Variants in STT3B observed in about 807,000 individuals in gnomAD.
The protein encoded by STT3B is dolichyl-diphosphooligosaccharide--protein glycosyltransferase subunit STT3B.
A neutral mutation model predicts 96.8 loss-of-function variants in STT3B; 29 were observed. That is an observed-to-expected ratio of 0.30 (90% CI 0.22 to 0.41). The LOEUF (loss-of-function observed/expected upper bound fraction) is 0.41. STT3B is among the 10% of genes least tolerant of loss of function. STT3B has a pLI of 1.00. For synonymous variants in STT3B, 367 were observed against 360.0 expected (o/e 1.02, Z -0.22); for missense variants, 640 against 1,022.3 (o/e 0.63, Z 5.10).
intron 1 of STT3B, among the ~76,000 whole-genome samples, chr3:31,558,210 G>A (rs1305807655): frequency 2.0e-5 from 3 of 152,166 alleles, no homozygotes; most frequent in Admixed American, 2.0e-4. Context: ...AGGATATCCA[G>A]TAGTATGTTG....
At chr3:31,581,421 A>T (rs962654779) in intron 3 of STT3B, among the ~76,000 whole-genome samples, 3 of 152,230 alleles carry the variant, frequency 2.0e-5, no homozygotes, top group African/African-American at 7.2e-5. Context: ...TAATAAATTT[A>T]AAAAATAAAA....
rs752886119 is a variant in STT3B at position 31,622,225 on chromosome 3, G to A, written c.1456G>A (p.Asp486Asn). ...AAATGTTTTTGAGCACTATTTGGGGGATGACATGAAAAGGGAAAATCCACC... is the reference window on the plus strand; with the variant it reads ...AAATGTTTTTGAGCACTATTTGGGGAATGACATGAAAAGGGAAAATCCACC... ...FSNVFEHYLG[D>N]DMKRENPPVE... is the part of the protein sequence containing the mutation. Residue 486 changes from aspartate (D) to asparagine (N), a missense_variant, in exon 10 of 16, where the codon GAT becomes AAT. Physicochemically the swap from Asp to Asn is conservative, Grantham distance 23. Coordinates refer to ENST00000295770, the MANE Select transcript of STT3B (RefSeq NM_178862.3). 1 of 1,614,134 alleles carries A rather than the reference G, an allele frequency of 6.2e-7. No individual in the cohort carries two copies. The highest frequency in any genetic ancestry group is 8.5e-7 in the Non-Finnish European group (1 of 1,179,980).
At chr3:31,546,769 C>G (rs1415947903) in intron 1 of STT3B, among the ~76,000 whole-genome samples, 1 of 152,146 alleles carries the variant, frequency 6.6e-6, no homozygotes, top group African/African-American at 2.4e-5. Flanking sequence ...TATTTTGCAT[C>G]CTAAGTCTGG....
intron 1 of STT3B, among the ~76,000 whole-genome samples, chr3:31,553,393 A>G (rs1448302272): frequency 6.6e-6 from 1 of 152,200 alleles, no homozygotes; most frequent in Non-Finnish European, 1.5e-5. Context: ...TCAGAAGGGG[A>G]ATGGATTGTA....
rs12632093 is a variant in STT3B at position 31,567,725 on chromosome 3, A to G, written c.315-8671A>G. ...TTTAATTTTTTATAATTATGGGTAC[A>G]TAATAGATTTATCTATTTATGGGTT... On this transcript the variant is annotated intron_variant, in intron 1 of 15. Coordinates refer to ENST00000295770, the MANE Select transcript of STT3B (RefSeq NM_178862.3). Among the ~76,000 whole-genome samples, 2,516 of 152,292 alleles carry G rather than the reference A, an allele frequency of 0.017. 289 individuals carry two copies. The East Asian group carries it at 0.32, about 19-fold the overall frequency.
chr3:31,535,927 A>G (rs1311461379), intron 1 of STT3B, among the ~76,000 whole-genome samples: 5 of 152,200 alleles, frequency 3.3e-5, no homozygotes, highest in African/African-American at 1.2e-4. Flanking sequence ...AATCTTGCTT[A>G]GTAGTAAGGA....
chr3:31,533,389 C>T, intron 1 of STT3B, 77 bp downstream of exon 1: 3 of 1,366,888 alleles, frequency 2.2e-6, no homozygotes, highest in South Asian at 1.6e-5. Context: ...CCGCAGCTCT[C>T]CTCGACTTGG....
At chr3:31,551,592 A>G (rs937268603) in intron 1 of STT3B, among the ~76,000 whole-genome samples, 3 of 152,086 alleles carry the variant, frequency 2.0e-5, no homozygotes, top group Non-Finnish European at 4.4e-5. Flanking sequence ...TCGCTTTCTC[A>G]TTTACCGTTC....
At chr3:31,549,456 C>A (rs1697497901) in intron 1 of STT3B, among the ~76,000 whole-genome samples, 1 of 151,954 alleles carries the variant, frequency 6.6e-6, no homozygotes, top group Non-Finnish European at 1.5e-5. Context: ...TCCACCGAGA[C>A]TGTCCTCAGA....
At chr3:31,558,055 C>G (rs1478210970) in intron 1 of STT3B, among the ~76,000 whole-genome samples, 1 of 152,134 alleles carries the variant, frequency 6.6e-6, no homozygotes, top group East Asian at 1.9e-4. Flanking sequence ...ACTGAATTTG[C>G]TTATTAGCTC....
intron 3 of STT3B, among the ~76,000 whole-genome samples, chr3:31,582,862 C>G (rs1394808978): frequency 6.6e-6 from 1 of 152,100 alleles, no homozygotes; most frequent in Non-Finnish European, 1.5e-5. Context: ...TTATTGATTT[C>G]TGACTTCATC....
At chr3:31,547,633 G>A (rs376733731) in intron 1 of STT3B, among the ~76,000 whole-genome samples, 2 of 152,194 alleles carry the variant, frequency 1.3e-5, no homozygotes, top group African/African-American at 2.4e-5. Flanking sequence ...ATGACAGAAC[G>A]AGAGTCCATC....
At chr3:31,567,135 A>T (rs1337296718) in intron 1 of STT3B, among the ~76,000 whole-genome samples, 1 of 152,184 alleles carries the variant, frequency 6.6e-6, no homozygotes, top group Non-Finnish European at 1.5e-5. Context: ...TTATTTTGAT[A>T]GATAGAAACT....
At chr3:31,608,701 A>T (rs1699112340) in intron 5 of STT3B, among the ~76,000 whole-genome samples, 1 of 152,226 alleles carries the variant, frequency 6.6e-6, no homozygotes. Context: ...TATTCTTCTC[A>T]TTGAGAAATG....
intron 15 of STT3B, among the ~76,000 whole-genome samples, chr3:31,634,507 T>C (rs1699723111): frequency 6.6e-6 from 1 of 152,228 alleles, no homozygotes; most frequent in Non-Finnish European, 1.5e-5. Context: ...TATTTTGACA[T>C]TCTGGTTTCC....
chr3:31,552,232 A>G (rs1368197724), intron 1 of STT3B, among the ~76,000 whole-genome samples: 1 of 152,214 alleles, frequency 6.6e-6, no homozygotes, highest in Non-Finnish European at 1.5e-5. Context: ...CTTTCTTTCC[A>G]TCTCTGAATG....
At chr3:31,536,062 C>A (rs943491526) in intron 1 of STT3B, among the ~76,000 whole-genome samples, 3 of 151,912 alleles carry the variant, frequency 2.0e-5, no homozygotes, top group African/African-American at 7.3e-5. Flanking sequence ...AAAAAAAATA[C>A]CTTGTTCTTG....
rs542881394 is a variant in STT3B, at chr3:31,618,733, A to C, written c.1172+745A>C. Among the ~76,000 whole-genome samples, 128 of 152,188 alleles carry C rather than the reference A, an allele frequency of 8.4e-4. 1 individual carries two copies. Among genetic ancestry groups the C allele is most frequent in the South Asian group, 8.1e-3 (39 of 4,816 alleles). On this transcript the variant is annotated intron_variant, in intron 8 of 15. Transcript: ENST00000295770. ...AAGGACATAAGCAAATTATGCATGA[A>C]TGACTGGAACTAACAATTAGACACA...
In STT3B at chr3:31,538,889, G is replaced by A. The variant is rs1173414593; in HGVS notation, c.314+5577G>A. Among the ~76,000 whole-genome samples the A allele has an allele frequency of 2.0e-5, 3 of 152,076 alleles. No individual in the cohort carries two copies. In the South Asian group the frequency reaches 6.2e-4, roughly 31 times the overall value. On this transcript the variant is annotated intron_variant, in intron 1 of 15. Coordinates refer to ENST00000295770, the MANE Select transcript of STT3B (RefSeq NM_178862.3). ...TCTTCTTACCTACTTCTGACCATGA[G>A]TAATTTCTGGGAATTTAGAAATTGA...
Sources: allele counts gnomAD v4.1 joint callset (sites outside exome capture counted in the v4.1 genomes callset), GRCh38; gene constraint gnomAD v4.1.1; transcripts MANE v1.5; gene names NCBI Gene and HGNC (gene_info 2026-07-23, HGNC 2026-07-21).